The following PIK3CD variants were observed in gnomAD, a reference collection of about 807,000 sequenced individuals.
The protein encoded by PIK3CD is phosphatidylinositol 4,5-bisphosphate 3-kinase catalytic subunit delta isoform.
PIK3CD carries 20 observed loss-of-function variants against 122.9 expected under a neutral mutation model. The ratio of observed to expected loss-of-function variants is 0.16; its 90% CI spans 0.11 to 0.24. PIK3CD has a LOEUF of 0.24. Among genes scored for constraint, PIK3CD ranks in the 10% least tolerant of loss-of-function variants. PIK3CD has a pLI of 1.00. For missense variants in PIK3CD, 787 were observed against 1,406.3 expected (o/e 0.56, Z 7.04); for synonymous variants, 596 against 593.4 (o/e 1.00, Z -0.06).
At chr1:9,709,999 C>A (rs1318561091) in intron 2 of PIK3CD, among the ~76,000 whole-genome samples, 1 of 151,352 alleles carries the variant, frequency 6.6e-6, no homozygotes, top group African/African-American at 2.4e-5. Flanking sequence ...GAGCAAGACT[C>A]CGGCTCAAAA....
In PIK3CD at chr1:9,710,897, C is replaced by T. The variant is rs368247372; in HGVS notation, c.141+301C>T. Among the ~76,000 whole-genome samples, 88 of 152,222 alleles carry T rather than the reference C, an allele frequency of 5.8e-4. No individual in the cohort carries two copies. In the East Asian group the frequency reaches 0.012, roughly 21 times the overall value. ...AACTCCCGGGTTCAAGAGATTCTTC[C>T]GCCTCAGCCTCCTGAGTAGCTGGGA... On this transcript the variant is annotated intron_variant, in intron 3 of 23. Transcript: ENST00000377346. This position sits in a 1 kb window ranked among gnomAD's most constrained non-coding sequence, Gnocchi z 4.7.
intron 2 of PIK3CD, among the ~76,000 whole-genome samples, chr1:9,707,138 TC>T (rs1646865250): frequency 6.6e-6 from 1 of 152,038 alleles, no homozygotes; most frequent in South Asian, 2.1e-4. Flanking sequence ...TAAAGTGGCT[TC>T]TGGTAACCTG....
intron 1 of PIK3CD, among the ~76,000 whole-genome samples, chr1:9,676,063 C>G (rs1645525816): frequency 6.6e-6 from 1 of 151,994 alleles, no homozygotes; most frequent in South Asian, 2.1e-4. Context: ...TCCCGAATAG[C>G]TGGGATTGCA....
intron 2 of PIK3CD, among the ~76,000 whole-genome samples, chr1:9,696,045 C>T (rs1259606248): frequency 1.3e-5 from 2 of 150,482 alleles, no homozygotes; most frequent in Non-Finnish European, 1.5e-5. Context: ...GATCATGGCT[C>T]ACTGCAGCCT....
At chr1:9,644,322 C>G in the PIK3CD span, among the ~76,000 whole-genome samples, 4 of 152,016 alleles carry the variant, frequency 2.6e-5, no homozygotes, top group Non-Finnish European at 2.9e-5. Flanking sequence ...TGAGACCAGC[C>G]TGGCCAACAT....
chr1:9,717,831 G>A lies in PIK3CD; in HGVS notation c.1020+205G>A, dbSNP rs773363137. Among the ~76,000 whole-genome samples the A allele has an allele frequency of 9.9e-5, 15 of 152,214 alleles. No homozygotes were observed. Among genetic ancestry groups the A allele is most frequent in the Non-Finnish European group, 2.9e-5 (2 of 68,028 alleles). On this transcript the variant is annotated intron_variant, in intron 8 of 23. Coordinates refer to ENST00000377346, the MANE Select transcript of PIK3CD (RefSeq NM_005026.5). This position sits in a 1 kb window ranked among gnomAD's most constrained non-coding sequence, Gnocchi z 5.4. ...GCCAGCCGGCCCTGGAGGCTGATTC[G>A]TAGAAACTTGGGCCAAGCAGCGTTC...
intron 3 of PIK3CD, among the ~76,000 whole-genome samples, chr1:9,711,855 G>C (rs543789583): frequency 6.6e-6 from 1 of 152,250 alleles, no homozygotes; most frequent in Admixed American, 6.5e-5. Flanking sequence ...GTGGTTTACA[G>C]GTCTTTTGTC....
At chr1:9,632,097 C>T in the PIK3CD span, among the ~76,000 whole-genome samples, 1 of 152,018 alleles carries the variant, frequency 6.6e-6, no homozygotes, top group African/African-American at 2.4e-5. Context: ...ACTGCAACCT[C>T]CGCCTCCTGG....
chr1:9,727,504 C>G lies in PIK3CD; in HGVS notation c.*458C>G. ...CTCCCTAGACTGAGTTCTGGCAGCT[C>G]CCCGAGGCAGCCGGGGTACCCTCTA... On this transcript the variant is annotated 3_prime_UTR_variant, in exon 24 of 24. Transcript: ENST00000377346. The G allele has an allele frequency of 3.8e-6, 1 of 263,450 alleles. No homozygotes were observed. Among genetic ancestry groups the G allele is most frequent in the Non-Finnish European group, 7.5e-6 (1 of 133,634 alleles). 16.3% of individuals were successfully genotyped at this position (263,450 alleles called of 1,614,324 possible). A position where few individuals can be genotyped will look rare whatever the true frequency, so the allele number is the denominator to read the frequency against.
the PIK3CD span, among the ~76,000 whole-genome samples, chr1:9,645,912 AT>A: frequency 2.0e-5 from 3 of 151,218 alleles, no homozygotes; most frequent in East Asian, 5.8e-4. Context: ...CCGTATTTTT[AT>A]TTTTTATTTT....
chr1:9,703,595 G>A (rs1646727811), intron 2 of PIK3CD, among the ~76,000 whole-genome samples: 1 of 152,172 alleles, frequency 6.6e-6, no homozygotes, highest in Non-Finnish European at 1.5e-5. Context: ...TTGTACAGTT[G>A]GAATCATGAA....
At chr1:9,639,161 C>A in the PIK3CD span, among the ~76,000 whole-genome samples, 3 of 152,150 alleles carry the variant, frequency 2.0e-5, no homozygotes, top group Non-Finnish European at 4.4e-5. Context: ...TTCTCCCTCT[C>A]CTGCATGTAC....
intron 3 of PIK3CD, among the ~76,000 whole-genome samples, chr1:9,711,085 G>A (rs888255107): frequency 2.0e-5 from 3 of 152,138 alleles, no homozygotes; most frequent in South Asian, 2.1e-4. Flanking sequence ...GCATCCAGCC[G>A]ATAATGGTTT....
chr1:9,654,344 C>G (rs571688560), intron 1 of PIK3CD: 1 of 1,367,762 alleles, frequency 7.3e-7, no homozygotes, highest in East Asian at 4.5e-5. Flanking sequence ...GGCTCCGTTT[C>G]TCCTCCGATA....
chr1:9,712,816 G>A (rs1647109636), intron 3 of PIK3CD, among the ~76,000 whole-genome samples: 1 of 151,940 alleles, frequency 6.6e-6, no homozygotes, highest in Admixed American at 6.6e-5. Context: ...CAGGAGAATT[G>A]CTTGAGCCCA....
At chr1:9,640,749 C>T in the PIK3CD span, among the ~76,000 whole-genome samples, 7 of 152,120 alleles carry the variant, frequency 4.6e-5, no homozygotes, top group African/African-American at 1.4e-4. Flanking sequence ...CGCCACTCCC[C>T]GGCTCAGCCT....
the PIK3CD span, among the ~76,000 whole-genome samples, chr1:9,637,553 T>C: frequency 3.3e-5 from 5 of 151,424 alleles, no homozygotes; most frequent in East Asian, 2.0e-4. Context: ...GTTTATTCTC[T>C]TCCAGTTCAG....
intron 23 of PIK3CD, among the ~76,000 whole-genome samples, chr1:9,726,545 T>C (rs2101037127): frequency 6.6e-6 from 1 of 152,314 alleles, no homozygotes; most frequent in Admixed American, 6.5e-5. Flanking sequence ...GTATTTTTTT[T>C]CCTTCTTGTG....
chr1:9,698,181 T>C (rs1031376231), intron 2 of PIK3CD, among the ~76,000 whole-genome samples: 24 of 152,204 alleles, frequency 1.6e-4, no homozygotes, highest in Non-Finnish European at 4.4e-5. Context: ...TCGCTCTTGT[T>C]GCCCAGGCTG....
Sources: gnomAD v4.1 joint callset for allele counts (sites outside exome capture counted in the v4.1 genomes callset) on GRCh38, gnomAD v4.1.1 for gene constraint, Gnocchi (gnomAD v3.1) non-coding constraint, MANE v1.5 for transcripts, NCBI Gene and HGNC (gene_info 2026-07-23, HGNC 2026-07-21) for gene names.